Variants in PPP2R2C observed in about 807,000 individuals in gnomAD.
The protein encoded by PPP2R2C is protein phosphatase 2 regulatory subunit Bgamma, also known as protein phosphatase 2, regulatory subunit B, gamma.
A neutral mutation model predicts 45.3 loss-of-function variants in PPP2R2C; 10 were observed. The observed-to-expected ratio is 0.22, with a 90% CI of 0.14 to 0.37. The LOEUF (loss-of-function observed/expected upper bound fraction) is 0.37, where lower values mean the gene tolerates loss of function less well. Ranked by LOEUF, PPP2R2C falls within the 10% of genes least tolerant of loss-of-function variation. The probability of loss-of-function intolerance (pLI) is 1.00; values close to 1 mark genes in which losing one functional copy is unlikely to be tolerated. For synonymous variants in PPP2R2C, 257 were observed against 245.4 expected, an observed-to-expected ratio of 1.05 and a Z score of -0.44; for missense variants, 308 against 619.7, an observed-to-expected ratio of 0.50 and a Z score of 5.34.
chr4:6,561,684 C>A (rs781272913), intron 1 of PPP2R2C, among the ~76,000 whole-genome samples: 8 of 151,116 alleles, frequency 5.3e-5, no homozygotes, highest in Non-Finnish European at 8.8e-5. Context: ...TGGATACACA[C>A]ACAGATACAC....
chr4:6,389,200 A>C (rs542090638), intron 1 of PPP2R2C, among the ~76,000 whole-genome samples: 49 of 152,200 alleles, frequency 3.2e-4, no homozygotes, highest in Non-Finnish European at 6.0e-4. Context: ...GTAAATGTGA[A>C]ATTCAAACGA....
chr4:6,559,620 A>C (rs887226560), intron 1 of PPP2R2C, among the ~76,000 whole-genome samples: 21 of 152,050 alleles, frequency 1.4e-4, no homozygotes, highest in Non-Finnish European at 2.2e-4. Context: ...TTGAAATCCT[A>C]ACCCCCAATG....
intron 6 of PPP2R2C, among the ~76,000 whole-genome samples, chr4:6,338,229 C>T (rs1029570934): frequency 6.6e-6 from 1 of 152,226 alleles, no homozygotes; most frequent in Non-Finnish European, 1.5e-5. Flanking sequence ...CCCCCACACC[C>T]TAATTATTTA....
At chr4:6,387,934 C>G (rs1157477360) in intron 1 of PPP2R2C, among the ~76,000 whole-genome samples, 2 of 152,206 alleles carry the variant, frequency 1.3e-5, no homozygotes, top group East Asian at 3.8e-4. Flanking sequence ...GACAAGGAAA[C>G]TTGGTCAAAC....
At chr4:6,326,545 C>G (rs920910532) in intron 8 of PPP2R2C, among the ~76,000 whole-genome samples, 2 of 152,184 alleles carry the variant, frequency 1.3e-5, no homozygotes, top group Non-Finnish European at 2.9e-5. Context: ...AAGGGCAGGC[C>G]TGCCAATAGG....
chr4:6,481,825 A>G (rs568036449), intron 2 of PPP2R2C, among the ~76,000 whole-genome samples: 1 of 152,046 alleles, frequency 6.6e-6, no homozygotes, highest in Non-Finnish European at 1.5e-5. Flanking sequence ...CTAAAAATAC[A>G]AAAATCAGCC....
intron 8 of PPP2R2C, among the ~76,000 whole-genome samples, chr4:6,326,530 T>C (rs1033859423): frequency 6.6e-6 from 1 of 152,084 alleles, no homozygotes; most frequent in African/African-American, 2.4e-5. Context: ...GTAGGTAACC[T>C]GGGGAAGGGC....
chr4:6,431,357 A>T (rs1299203676), intron 1 of PPP2R2C, among the ~76,000 whole-genome samples: 3 of 152,244 alleles, frequency 2.0e-5, no homozygotes, highest in Admixed American at 2.0e-4. Context: ...GGGGCTCCAG[A>T]ACACCATGGA....
intron 2 of PPP2R2C, among the ~76,000 whole-genome samples, chr4:6,511,781 TGGTGGTGGTG>T (rs1381174413): frequency 1.4e-5 from 1 of 71,004 alleles, no homozygotes; most frequent in African/African-American, 5.2e-5. Context: ...ATGGTGGTAA[TGGTGGTGGTG>T]ATGGTGATGG....
intron 1 of PPP2R2C, among the ~76,000 whole-genome samples, chr4:6,425,207 C>G (rs55944500): frequency 0.26 from 39,571 of 152,158 alleles, 5,805 homozygotes; most frequent in Admixed American, 0.42. Flanking sequence ...GTCCCCCCAC[C>G]CTATAATTCC....
At chr4:6,452,081 G>GT (rs1350533869) in intron 1 of PPP2R2C, among the ~76,000 whole-genome samples, 1 of 152,178 alleles carries the variant, frequency 6.6e-6, no homozygotes, top group Non-Finnish European at 1.5e-5. Flanking sequence ...AGTGGCCTGT[G>GT]TAAGTGTGGG....
intron 1 of PPP2R2C, chr4:6,384,818 G>A (rs1716107278): frequency 1.0e-6 from 1 of 985,326 alleles, no homozygotes; most frequent in South Asian, 4.7e-5. Context: ...AGGAGATGGA[G>A]GCTCCCTCCA....
intron 2 of PPP2R2C, among the ~76,000 whole-genome samples, chr4:6,477,841 C>A (rs1403693482): frequency 2.0e-5 from 3 of 152,076 alleles, no homozygotes; most frequent in African/African-American, 7.2e-5. Context: ...GCCTGTCCTC[C>A]TTCCAGCCCT....
chr4:6,553,237 T>C (rs760352974), intron 1 of PPP2R2C, among the ~76,000 whole-genome samples: 1 of 152,178 alleles, frequency 6.6e-6, no homozygotes, highest in African/African-American at 2.4e-5. Flanking sequence ...CCTCCTGCCC[T>C]GCAAGCTCTG....
intron 1 of PPP2R2C, among the ~76,000 whole-genome samples, chr4:6,548,442 G>A (rs773690996): frequency 5.3e-5 from 8 of 152,198 alleles, no homozygotes; most frequent in Non-Finnish European, 8.8e-5. Context: ...GGTGCAGAGC[G>A]CCTGGAACCC....
At chr4:6,461,778 C>T (rs145530528) in intron 1 of PPP2R2C, among the ~76,000 whole-genome samples, 29 of 152,334 alleles carry the variant, frequency 1.9e-4, no homozygotes, top group African/African-American at 6.5e-4. Context: ...CCTCTTCCCT[C>T]AGAAAGTGCT....
At chr4:6,474,607 C>CA (rs1329344824), upstream of PPP2R2C, among the ~76,000 whole-genome samples, 2 of 152,214 alleles carry the variant, frequency 1.3e-5, no homozygotes, top group Non-Finnish European at 2.9e-5. Context: ...TCTGGCCTGA[C>CA]ACAGTACATC....
chr4:6,373,482 C>T lies in PPP2R2C; in HGVS notation c.448-782G>A, dbSNP rs115518401. On this transcript the variant is annotated intron_variant, in intron 4 of 8. Coordinates refer to ENST00000382599, the MANE Select transcript of PPP2R2C (RefSeq NM_020416.4). ...GTCCCTTGCACAGCCCTGACCAACC[C>T]TGAGGCTGTCAACTGGTCCCATCAG... 4.2e-3 allele frequency among the ~76,000 whole-genome samples: 645 copies of T among 152,342 alleles called. 6 individuals are homozygous for T. The highest frequency in any genetic ancestry group is 0.015 in the African/African-American group (620 of 41,568).
intron 6 of PPP2R2C, among the ~76,000 whole-genome samples, chr4:6,343,323 C>G (rs1451815892): frequency 6.6e-6 from 1 of 152,130 alleles, no homozygotes; most frequent in Non-Finnish European, 1.5e-5. Context: ...AATCTTTTTG[C>G]TGGCACGAAA....
Sources: allele counts gnomAD v4.1 joint callset (sites outside exome capture counted in the v4.1 genomes callset), GRCh38; gene constraint gnomAD v4.1.1; transcripts MANE v1.5; gene names NCBI Gene and HGNC (gene_info 2026-07-23, HGNC 2026-07-21).